The following DMD variants were observed in gnomAD, a reference collection of about 807,000 sequenced individuals.
The protein encoded by DMD is mutant dystrophin.
A neutral mutation model predicts 330.1 loss-of-function variants in DMD; 63 were observed. The observed-to-expected ratio is 0.19, with a 90% CI of 0.16 to 0.24. The LOEUF (loss-of-function observed/expected upper bound fraction) is 0.24, where lower values mean the gene tolerates loss of function less well. DMD is among the 10% of genes least tolerant of loss of function. The pLI, the probability that DMD is intolerant of heterozygous loss-of-function variation, is 1.00. For synonymous variants in DMD, 1,223 were observed against 959.8 expected (o/e 1.27, Z -5.07); for missense variants, 3,344 against 2,684.1 (o/e 1.25, Z -5.43).
At chrX:33,175,066 C>A (rs771578874) in intron 1 of DMD, among the ~76,000 whole-genome samples, 4 of 112,141 alleles carry the variant, frequency 3.6e-5, no homozygotes, top group South Asian at 3.7e-4. Context: ...TTGAGATGAT[C>A]GATCTATGTT....
At chrX:31,965,071 T>G (rs757022306) in intron 45 of DMD, among the ~76,000 whole-genome samples, 1 of 111,885 alleles carries the variant, frequency 8.9e-6, no homozygotes, top group Non-Finnish European at 1.9e-5. Context: ...TTTTATCAAC[T>G]GACATTATTC....
At chrX:32,513,537 TTGGA>T (rs2045556783) in intron 18 of DMD, among the ~76,000 whole-genome samples, 1 of 111,935 alleles carries the variant, frequency 8.9e-6, no homozygotes, top group Non-Finnish European at 1.9e-5. Flanking sequence ...CTGTCAAAGA[TTGGA>T]CTTGTGAATG....
At chrX:31,924,503 T>A (rs1365406006) in intron 47 of DMD, among the ~76,000 whole-genome samples, 3 of 112,300 alleles carry the variant, frequency 2.7e-5, no homozygotes, top group Non-Finnish European at 5.6e-5. Flanking sequence ...ACCAGATTTC[T>A]GGAAATTTAG....
At chrX:32,495,485 G>A (rs762053291) in intron 19 of DMD, among the ~76,000 whole-genome samples, 1 of 111,615 alleles carries the variant, frequency 9.0e-6, no homozygotes, top group East Asian at 2.8e-4. Context: ...GGATGGTCAC[G>A]TTACTTACTG....
chrX:32,000,751 T>C (rs945307557), intron 44 of DMD, among the ~76,000 whole-genome samples: 1 of 112,010 alleles, frequency 8.9e-6, no homozygotes, highest in Non-Finnish European at 1.9e-5. Flanking sequence ...TGTGGCTATA[T>C]AAATTTAAAT....
intron 1 of DMD, among the ~76,000 whole-genome samples, chrX:33,194,054 A>C (rs1399484355): frequency 9.0e-6 from 1 of 110,995 alleles, no homozygotes; most frequent in Non-Finnish European, 1.9e-5. Context: ...CAGTTACCTC[A>C]TCTGACAAGT....
chrX:32,105,580 A>G (rs1025377226), intron 44 of DMD, among the ~76,000 whole-genome samples: 59 of 112,056 alleles, frequency 5.3e-4, no homozygotes, highest in Non-Finnish European at 3.6e-4. Context: ...AATCATATTA[A>G]TGATTTAAAC....
intron 6 of DMD, among the ~76,000 whole-genome samples, chrX:32,814,880 T>G (rs1461975149): frequency 8.9e-6 from 1 of 111,848 alleles, no homozygotes; most frequent in South Asian, 3.7e-4. Flanking sequence ...TGATCCTTGA[T>G]ATTTTTATTC....
intron 7 of DMD, among the ~76,000 whole-genome samples, chrX:32,727,135 T>C (rs1297445404): frequency 9.0e-6 from 1 of 111,009 alleles, no homozygotes; most frequent in African/African-American, 3.3e-5. Context: ...TATAATAGAC[T>C]AGCAAAAAAA....
chrX:32,540,519 A>C (rs1307892106), intron 17 of DMD, among the ~76,000 whole-genome samples: 1 of 111,688 alleles, frequency 9.0e-6, no homozygotes, highest in Non-Finnish European at 1.9e-5. Context: ...TTTATTATTA[A>C]GAACAATTCC....
chrX:32,776,876 A>T (rs1320067021), intron 7 of DMD, among the ~76,000 whole-genome samples: 6 of 111,997 alleles, frequency 5.4e-5, no homozygotes, highest in Non-Finnish European at 1.9e-5. Context: ...AACTCATCCA[A>T]CCAAAAATAT....
intron 62 of DMD, among the ~76,000 whole-genome samples, chrX:31,283,317 T>C (rs2052766083): frequency 8.9e-6 from 1 of 111,912 alleles, no homozygotes; most frequent in African/African-American, 3.2e-5. Flanking sequence ...GTGTTTCTTT[T>C]CCATCTAGCA....
intron 1 of DMD, among the ~76,000 whole-genome samples, chrX:33,231,528 A>G (rs1438689004): frequency 2.7e-5 from 3 of 111,936 alleles, no homozygotes; most frequent in African/African-American, 6.5e-5. Context: ...TCCCTTTATC[A>G]GCCATGTCCC....
chrX:33,244,443 T>C (rs1270068441), intron 1 of DMD, among the ~76,000 whole-genome samples: 2 of 111,995 alleles, frequency 1.8e-5, no homozygotes, highest in African/African-American at 3.2e-5. Flanking sequence ...ATAAGGATGG[T>C]ATCAGGTTAG....
At chrX:32,900,537 G>A (rs1186372045) in intron 2 of DMD, among the ~76,000 whole-genome samples, 10 of 111,123 alleles carry the variant, frequency 9.0e-5, no homozygotes, top group African/African-American at 2.6e-4. Context: ...TAGACTTAAT[G>A]TCTTGATATG....
intron 55 of DMD, among the ~76,000 whole-genome samples, chrX:31,617,702 A>G (rs994982282): frequency 3.6e-5 from 4 of 111,434 alleles, no homozygotes; most frequent in African/African-American, 1.3e-4. Context: ...CTACCGTTCA[A>G]CCCAGCAATG....
chrX:32,340,584 C>T (rs746869248), intron 41 of DMD, among the ~76,000 whole-genome samples: 1 of 111,497 alleles, frequency 9.0e-6, no homozygotes, highest in South Asian at 3.7e-4. Context: ...TTTAAACCTG[C>T]ATATTGGGTG....
At chrX:32,573,461 G>T in intron 15 of DMD, 69 bp downstream of exon 15, 2 of 832,378 alleles carry the variant, frequency 2.4e-6, no homozygotes. Context: ...GCATAGAAGA[G>T]ACTAAATAAT....
chrX:31,818,990 G>A (rs1238476594), intron 50 of DMD, among the ~76,000 whole-genome samples: 1 of 109,923 alleles, frequency 9.1e-6, no homozygotes, highest in Non-Finnish European at 1.9e-5. Flanking sequence ...CAGTCACCAT[G>A]CTTTAATGCT....
Sources: allele counts gnomAD v4.1 joint callset (sites outside exome capture counted in the v4.1 genomes callset), GRCh38; gene constraint gnomAD v4.1.1; transcripts MANE v1.5; gene names NCBI Gene and HGNC (gene_info 2026-07-23, HGNC 2026-07-21).